The following SLC25A25 variants were observed in gnomAD, a reference collection of about 807,000 sequenced individuals.
SLC25A25 encodes mitochondrial adenyl nucleotide antiporter SLC25A25.
In SLC25A25, 32 loss-of-function variants were observed where a neutral mutation model predicts 57.7. The observed-to-expected ratio is 0.55, with a 90% CI of 0.42 to 0.74. The LOEUF (loss-of-function observed/expected upper bound fraction) is 0.74, where lower values mean the gene tolerates loss of function less well. Among genes scored for constraint, SLC25A25 ranks in the 30% least tolerant of loss-of-function variants. SLC25A25 has a pLI of 0.00. For missense variants in SLC25A25, 556 were observed against 701.3 expected, an observed-to-expected ratio of 0.79 and a Z score of 2.34; for synonymous variants, 306 against 291.2, an observed-to-expected ratio of 1.05 and a Z score of -0.52.
At chr9:128,076,485 A>G (rs1833018454) in intron 1 of SLC25A25, among the ~76,000 whole-genome samples, 1 of 135,112 alleles carries the variant, frequency 7.4e-6, no homozygotes, top group Admixed American at 7.9e-5. Context: ...TTTTTTTTTG[A>G]GACAGAGTCT....
Position 128,107,137 on chromosome 9 carries a change from A to G in SLC25A25, c.1321A>G (p.Ser441Gly). The change falls in exon 10 of 11, where the codon AGC (serine) becomes GGC (glycine). Residue 441 changes from serine (S) to glycine (G), a missense_variant. Ser to Gly is a moderately conservative substitution (Grantham distance 56, BLOSUM62 0). Around this residue, in one of 3 missense-constraint regions of SLC25A25, gnomAD observed 294 missense variants for 389.6 expected, o/e 0.75. Transcript: ENST00000373069. ...GTCCAGTACCTGTGGCCAGCTGGCCAGCTACCCCCTGGCCCTAGTCAGGAC... is the reference window on the plus strand; with the variant it reads ...GTCCAGTACCTGTGGCCAGCTGGCCGGCTACCCCCTGGCCCTAGTCAGGAC... Reference protein sequence around the residue: ...TMSSTCGQLASYPLALVRTRM... With the variant: ...TMSSTCGQLAGYPLALVRTRM... 1 of 1,613,986 alleles carries G rather than the reference A, an allele frequency of 6.2e-7. No individual in the cohort carries two copies. Among genetic ancestry groups the G allele is most frequent in the Non-Finnish European group, 8.5e-7 (1 of 1,180,032 alleles).
At chr9:128,077,230 G>C (rs574942084) in intron 1 of SLC25A25, among the ~76,000 whole-genome samples, 46 of 152,306 alleles carry the variant, frequency 3.0e-4, no homozygotes, top group African/African-American at 1.1e-3. Flanking sequence ...TACGCTGATT[G>C]AAAGAAGCCA....
chr9:128,104,569 C>A (rs938777742), intron 6 of SLC25A25, among the ~76,000 whole-genome samples: 1 of 152,214 alleles, frequency 6.6e-6, no homozygotes, highest in Non-Finnish European at 1.5e-5. Context: ...CCCAGGACTT[C>A]CCCTCCTCTG....
At chr9:128,098,819 G>A in intron 1 of SLC25A25, 1 of 1,534,058 alleles carries the variant, frequency 6.5e-7, no homozygotes, top group Non-Finnish European at 8.8e-7. Context: ...CCCACTGAGA[G>A]GAAAGAATGT....
chr9:128,091,331 A>G (rs1486297884), intron 1 of SLC25A25: 11 of 658,212 alleles, frequency 1.7e-5, no homozygotes, highest in African/African-American at 2.0e-5. Flanking sequence ...CATGCAGGCA[A>G]TCAGCTGCCT....
rs1290312928 is a variant in SLC25A25, at chr9:128,108,557, T to C, written c.*1113T>C. Reference sequence around the variant, plus strand: ...GAACAGAGTTATGTCCTAACTATTTTTATAGATTTGTTTAATTAATAGCTT... The same window carrying C: ...GAACAGAGTTATGTCCTAACTATTTCTATAGATTTGTTTAATTAATAGCTT... On this transcript the variant is annotated 3_prime_UTR_variant, in exon 11 of 11. Transcript: ENST00000373069. The C allele has an allele frequency of 1.1e-5, 3 of 272,770 alleles. No individual in the cohort carries two copies. Among genetic ancestry groups the C allele is most frequent in the African/African-American group, 4.4e-5 (2 of 45,884 alleles). 16.9% of individuals were successfully genotyped at this position (272,770 alleles called of 1,614,324 possible).
At position 128,103,216 on chromosome 9, in the gene SLC25A25, C is replaced by A. The variant is rs989953370; in HGVS notation, c.625-465C>A. Among the ~76,000 whole-genome samples, 2 of 152,170 alleles carry A rather than the reference C, an allele frequency of 1.3e-5. No individual in the cohort carries two copies. Among genetic ancestry groups the A allele is most frequent in the Non-Finnish European group, 2.9e-5 (2 of 68,022 alleles). ...GGCTCTGATCAGCCCGGATGTCACC[C>A]GGAGAAAGGTTACGCAGGCAGCGAG... is the stretch of plus-strand genomic sequence containing the variant. On this transcript the variant is annotated intron_variant, in intron 5 of 10. Coordinates refer to ENST00000373069, the MANE Select transcript of SLC25A25 (RefSeq NM_001330988.2). This position sits in a 1 kb window ranked among gnomAD's most constrained non-coding sequence, Gnocchi z 6.7.
rs746261704 is a variant in SLC25A25, at chr9:128,101,270, C to T, written c.389-39C>T. On this transcript the variant is annotated intron_variant, in intron 2 of 10. Transcript: ENST00000373069. The surrounding 1 kb of genome is among the most constrained non-coding windows in gnomAD (Gnocchi z 4.9). Reference sequence around the variant, plus strand: ...TGGCCGGTCCAGCCTCGGGCCTCCCCGTGCGCCTGGCTCCTGCTCACGGCC... The same window carrying T: ...TGGCCGGTCCAGCCTCGGGCCTCCCTGTGCGCCTGGCTCCTGCTCACGGCC... 29 of 1,614,106 alleles carry T rather than the reference C, an allele frequency of 1.8e-5. No individual in the cohort carries two copies. In the East Asian group the frequency reaches 3.3e-4, roughly 19 times the overall value.
rs149387961 is a variant in SLC25A25 at position 128,098,644 on chromosome 9, C to T, written c.262-2452C>T. 115 of 1,614,138 alleles carry T rather than the reference C, an allele frequency of 7.1e-5. No homozygotes were observed. In the African/African-American group the frequency reaches 1.4e-3, roughly 19 times the overall value. On this transcript the variant is annotated intron_variant, in intron 1 of 10. Coordinates refer to ENST00000373069, the MANE Select transcript of SLC25A25 (RefSeq NM_001330988.2). ...TCCAGTACTTTGAGTCGAAGGGGCT[C>T]CCTGCCGAGCTGAAGTCCATTTTCA...
chr9:128,106,925 G>A (rs949319478), intron 9 of SLC25A25, 104 bp from the exon 10 acceptor site: 13 of 1,394,378 alleles, frequency 9.3e-6, no homozygotes, highest in East Asian at 2.3e-5. Flanking sequence ...GGCCCCAGGC[G>A]CGGCAGTCGG....
rs1294109766 is a variant in SLC25A25 at position 128,095,157 on chromosome 9, G to C, written c.262-5939G>C. 1.3e-5 allele frequency among the ~76,000 whole-genome samples: 2 copies of C among 152,146 alleles called. No homozygotes were observed. The highest frequency in any genetic ancestry group is 1.3e-4 in the Admixed American group (2 of 15,274). On this transcript the variant is annotated intron_variant, in intron 1 of 10. Coordinates refer to ENST00000373069, the MANE Select transcript of SLC25A25 (RefSeq NM_001330988.2). This position sits in a 1 kb window ranked among gnomAD's most constrained non-coding sequence, Gnocchi z 4.4. ...ACCGTTTTTGGTTGTATTTAGCTAG[G>C]GCTCAACTTGCTCAAGTTACACCTT...
At chr9:128,081,297 G>A (rs1201612454) in intron 1 of SLC25A25, among the ~76,000 whole-genome samples, 1 of 152,196 alleles carries the variant, frequency 6.6e-6, no homozygotes, top group South Asian at 2.1e-4. Context: ...TTAAGTTTGT[G>A]TTGAGTCAGA....
intron 1 of SLC25A25, among the ~76,000 whole-genome samples, chr9:128,075,513 A>C (rs1446981513): frequency 1.3e-5 from 2 of 150,970 alleles, no homozygotes; most frequent in African/African-American, 4.9e-5. Flanking sequence ...CGAGACCCCC[A>C]TCTCTGTTTT....
intron 7 of SLC25A25, 122 bp from the exon 8 acceptor site, chr9:128,106,028 A>G (rs1834017421): frequency 6.5e-7 from 1 of 1,527,306 alleles, no homozygotes; most frequent in Non-Finnish European, 9.0e-7. Context: ...GCCCAGGCTC[A>G]CCACGAGTTC....
chr9:128,106,243 A>G lies in SLC25A25; in HGVS notation c.1030A>G (p.Ile344Val), dbSNP rs1291275519. The G allele has an allele frequency of 6.2e-7, 1 of 1,614,186 alleles. No homozygotes were observed. Among genetic ancestry groups the G allele is most frequent in the Non-Finnish European group, 8.5e-7 (1 of 1,180,026 alleles). Residue 344 changes from isoleucine (I) to valine (V), a missense_variant, in exon 8 of 11, where the codon ATC becomes GTC. Around this residue, in one of 3 missense-constraint regions of SLC25A25, gnomAD observed 294 missense variants for 389.6 expected, o/e 0.75. Coordinates refer to ENST00000373069, the MANE Select transcript of SLC25A25 (RefSeq NM_001330988.2). ...GGCAGGGGCCATCGCCCAGAGCAGC[A>G]TCTACCCAATGGAGGTGAGGGGCCG... ...SLAGAIAQSSIYPMEVLKTRM... is the reference protein window; with the variant it reads ...SLAGAIAQSSVYPMEVLKTRM...
chr9:128,091,999 C>T (rs761659500), intron 1 of SLC25A25: 92 of 1,613,848 alleles, frequency 5.7e-5, no homozygotes, highest in Non-Finnish European at 7.3e-5. Flanking sequence ...AGATGGCAAG[C>T]TTTTTGGGGA....
Position 128,106,528 on chromosome 9 carries a change from C to A in SLC25A25, c.1212+8C>A. On this transcript the variant is annotated splice_region_variant and intron_variant, in intron 9 of 10. Coordinates refer to ENST00000373069, the MANE Select transcript of SLC25A25 (RefSeq NM_001330988.2). ...GACCTTGCAGTCTACGAGGTGAGGC[C>A]CAAGCTGGACAGATTTAGAAACCTC... The A allele has an allele frequency of 6.3e-7, 1 of 1,583,816 alleles. No homozygotes were observed.
At position 128,099,623 on chromosome 9, in the gene SLC25A25, C is replaced by A. The variant is rs1833704744; in HGVS notation, c.262-1473C>A. ...GATGTCCACAGGAAGTTAAATGTAA[C>A]CTCAGCAGATAAAATATGTACCTGC... On this transcript the variant is annotated intron_variant, in intron 1 of 10. Coordinates refer to ENST00000373069, the MANE Select transcript of SLC25A25 (RefSeq NM_001330988.2). The surrounding 1 kb of genome is among the most constrained non-coding windows in gnomAD (Gnocchi z 6.8). Among the ~76,000 whole-genome samples the A allele has an allele frequency of 6.6e-6, 1 of 152,234 alleles. No homozygotes were observed.
At chr9:128,100,093 C>G (rs778700196) in intron 1 of SLC25A25, among the ~76,000 whole-genome samples, 1 of 152,194 alleles carries the variant, frequency 6.6e-6, no homozygotes, top group Non-Finnish European at 1.5e-5. Context: ...CACCACTTCC[C>G]TAGCTGTCTG....
Sources: gnomAD v4.1 joint callset for allele counts (sites outside exome capture counted in the v4.1 genomes callset) on GRCh38, gnomAD v4.1.1 for gene constraint, gnomAD v4.1.1 regional missense constraint, Gnocchi (gnomAD v3.1) non-coding constraint, MANE v1.5 for transcripts, NCBI Gene and HGNC (gene_info 2026-07-23, HGNC 2026-07-21) for gene names.